The following PCDHA12 variants were observed in gnomAD, a reference collection of about 807,000 sequenced individuals.
PCDHA12 encodes the protein protocadherin alpha-12.
In PCDHA12, 44 loss-of-function variants were observed where a neutral mutation model predicts 60.0. That is an observed-to-expected ratio of 0.73 (90% confidence interval 0.58 to 0.94). The LOEUF (loss-of-function observed/expected upper bound fraction) is 0.94. Ranked by LOEUF, PCDHA12 falls within the 40% of genes least tolerant of loss-of-function variation. PCDHA12 has a pLI of 0.00. For missense variants in PCDHA12, 1,276 were observed against 1,239.7 expected, an observed-to-expected ratio of 1.03 and a Z score of -0.44; for synonymous variants, 569 against 553.0, an observed-to-expected ratio of 1.03 and a Z score of -0.40.
chr5:140,935,526 T>C (rs558710371), intron 1 of PCDHA12, among the ~76,000 whole-genome samples: 3 of 152,232 alleles, frequency 2.0e-5, no homozygotes, highest in Non-Finnish European at 4.4e-5. Flanking sequence ...GCATGTACAG[T>C]CAAATTATTG....
chr5:140,983,239 C>CCTGCTAAGTTGTGTAAAAAA (rs1261909895), intron 3 of PCDHA12, among the ~76,000 whole-genome samples: 1 of 152,176 alleles, frequency 6.6e-6, no homozygotes, highest in Non-Finnish European at 1.5e-5. Flanking sequence ...GGAAAGAGAA[C>CCTGCTAAGTTGTGTAAAAAA]CTGCTAAGTT....
chr5:140,985,233 G>C (rs1447323173), intron 3 of PCDHA12, among the ~76,000 whole-genome samples: 4 of 152,084 alleles, frequency 2.6e-5, no homozygotes, highest in Non-Finnish European at 5.9e-5. Flanking sequence ...CACCGCGCCT[G>C]GCCTAATCTT....
intron 1 of PCDHA12, among the ~76,000 whole-genome samples, chr5:140,964,622 T>C (rs1435749865): frequency 2.0e-5 from 3 of 152,048 alleles, no homozygotes; most frequent in Non-Finnish European, 4.4e-5. Flanking sequence ...ATTCCACTTA[T>C]AAGCCATTTA....
chr5:140,926,889 G>A, intron 1 of PCDHA12: 1 of 1,545,026 alleles, frequency 6.5e-7, no homozygotes, highest in Non-Finnish European at 8.7e-7. Context: ...CGCCTAGAGG[G>A]AGGATGGTGG....
chr5:140,948,281 T>C (rs1375756050), intron 1 of PCDHA12, among the ~76,000 whole-genome samples: 1 of 151,620 alleles, frequency 6.6e-6, no homozygotes, highest in Non-Finnish European at 1.5e-5. Context: ...TATCTGTAAA[T>C]AATTTTGTAA....
intron 3 of PCDHA12, among the ~76,000 whole-genome samples, chr5:140,984,647 G>C (rs1169327185): frequency 6.6e-6 from 1 of 152,102 alleles, no homozygotes; most frequent in Non-Finnish European, 1.5e-5. Flanking sequence ...CCTTCTCCCT[G>C]TCCTTCTGGT....
Position 140,876,172 on chromosome 5 carries a change from G to C in PCDHA12, c.700G>C (p.Asp234His). 6.2e-7 allele frequency: 1 copy of C among 1,613,970 alleles called. No homozygotes were observed. The highest frequency in any genetic ancestry group is 2.2e-5 in the East Asian group (1 of 44,884). ...TGTCCAGATTCAAATAACCGTCCTG[G>C]ATGTGAATGACAATGGTCCGGCGTT... The part of the protein sequence containing the change: ...GSVQIQITVL[D>H]VNDNGPAFDK... Residue 234 changes from aspartate (D) to histidine (H), a missense_variant, in exon 1 of 4, where the codon GAT becomes CAT. Transcript: ENST00000398631.
At chr5:140,928,890 CTT>C in intron 1 of PCDHA12, 1 of 1,614,182 alleles carries the variant, frequency 6.2e-7, no homozygotes, top group South Asian at 1.1e-5. Context: ...TACTTCCAGA[CTT>C]TGAAGATGTC....
At chr5:140,982,275 A>G (rs1315034472) in intron 2 of PCDHA12, 200 bp from the exon 3 acceptor site, 3 of 951,630 alleles carry the variant, frequency 3.2e-6, no homozygotes, top group Non-Finnish European at 4.5e-6. Context: ...GGAATAGTAT[A>G]GCAGGCAATA....
intron 1 of PCDHA12, among the ~76,000 whole-genome samples, chr5:140,950,973 T>C (rs1381300164): frequency 3.3e-5 from 5 of 152,244 alleles, no homozygotes; most frequent in Middle Eastern, 3.4e-3. Flanking sequence ...TTCAGATTCA[T>C]TGACTTTTGC....
At chr5:140,986,151 G>A (rs547474191) in intron 3 of PCDHA12, among the ~76,000 whole-genome samples, 1 of 152,198 alleles carries the variant, frequency 6.6e-6, no homozygotes, top group African/African-American at 2.4e-5. Flanking sequence ...GCATCACCAA[G>A]TAATGTTTTC....
At chr5:140,886,560 G>A (rs1230327560) in intron 1 of PCDHA12, among the ~76,000 whole-genome samples, 3 of 151,904 alleles carry the variant, frequency 2.0e-5, no homozygotes, top group Non-Finnish European at 4.4e-5. Flanking sequence ...GGGCACGGTG[G>A]CTCACGCCTG....
At chr5:140,909,438 T>C (rs2074496860) in intron 1 of PCDHA12, among the ~76,000 whole-genome samples, 1 of 152,222 alleles carries the variant, frequency 6.6e-6, no homozygotes, top group Non-Finnish European at 1.5e-5. Context: ...GATAATCCAC[T>C]GTCATTCTCC....
chr5:140,896,386 C>T (rs575002506), intron 1 of PCDHA12, among the ~76,000 whole-genome samples: 1 of 152,124 alleles, frequency 6.6e-6, no homozygotes, highest in African/African-American at 2.4e-5. Context: ...TGCAACCTCA[C>T]CAGCATCTGT....
intron 2 of PCDHA12, among the ~76,000 whole-genome samples, chr5:140,981,645 A>G (rs2096941816): frequency 6.6e-6 from 1 of 152,126 alleles, no homozygotes; most frequent in Admixed American, 6.6e-5. Context: ...TTCTCTTAGG[A>G]TCCCACTTAT....
At chr5:140,917,305 C>A (rs1554197951) in intron 1 of PCDHA12, among the ~76,000 whole-genome samples, 1 of 137,092 alleles carries the variant, frequency 7.3e-6, no homozygotes, top group Non-Finnish European at 1.5e-5. Flanking sequence ...ATAGTTGTTA[C>A]AATTTGGTGT....
At chr5:140,966,695 CGGGCGTGGGGCACGGCT>C (rs2096039584) in intron 1 of PCDHA12, 1 of 1,358,374 alleles carries the variant, frequency 7.4e-7, no homozygotes. Flanking sequence ...AGGCGGGGCC[CGGGCGTGGGGCACGGCT>C]GGGGAAGCTG....
chr5:140,976,323 G>A (rs532976656), intron 1 of PCDHA12, among the ~76,000 whole-genome samples: 26 of 152,258 alleles, frequency 1.7e-4, no homozygotes, highest in African/African-American at 6.0e-4. Context: ...GGCCGAGGAG[G>A]GTGGATTGCC....
intron 1 of PCDHA12, among the ~76,000 whole-genome samples, chr5:140,957,190 A>G (rs2153712685): frequency 6.6e-6 from 1 of 152,294 alleles, no homozygotes; most frequent in South Asian, 2.1e-4. Context: ...TTGATGACCG[A>G]TTGGGAATAT....
Sources: gnomAD v4.1 joint callset for allele counts (sites outside exome capture counted in the v4.1 genomes callset) on GRCh38, gnomAD v4.1.1 for gene constraint, MANE v1.5 for transcripts, NCBI Gene and HGNC (gene_info 2026-07-23, HGNC 2026-07-21) for gene names.